NR2F6: variants seen among roughly 807,000 people sequenced by gnomAD.
NR2F6 encodes ERBA-related gene-2.
NR2F6 carries 16 observed loss-of-function variants against 26.5 expected under a neutral mutation model. The observed-to-expected ratio is 0.60, with a 90% CI of 0.41 to 0.92. The LOEUF (loss-of-function observed/expected upper bound fraction) is 0.92, where lower values mean the gene tolerates loss of function less well. Ranked by LOEUF, NR2F6 falls within the 40% of genes least tolerant of loss-of-function variation. The pLI, the probability that NR2F6 is intolerant of heterozygous loss-of-function variation, is 0.00. For synonymous variants in NR2F6, 325 were observed against 305.0 expected (o/e 1.07, Z -0.68); for missense variants, 536 against 631.7 (o/e 0.85, Z 1.62).
At chr19:17,243,468 C>A (rs1473501833) in intron 1 of NR2F6, among the ~76,000 whole-genome samples, 2 of 152,094 alleles carry the variant, frequency 1.3e-5, no homozygotes, top group Non-Finnish European at 1.5e-5. Flanking sequence ...AAGGCCCCCC[C>A]CACCCAAAAT....
At chr19:17,233,685 C>T (rs57840848) in intron 3 of NR2F6, among the ~76,000 whole-genome samples, 14,489 of 151,874 alleles carry the variant, frequency 0.095, 873 homozygotes, top group African/African-American at 0.17. Context: ...TTAGTAGAGA[C>T]GGGTTTTGCT....
chr19:17,241,292 A>G (rs2073467793), intron 1 of NR2F6, among the ~76,000 whole-genome samples: 1 of 151,744 alleles, frequency 6.6e-6, no homozygotes. Context: ...GGGCCCCAGC[A>G]TTATCACCCG....
At position 17,235,726 on chromosome 19, in the gene NR2F6, C is replaced by G. The variant is rs771872124; in HGVS notation, c.713G>C (p.Ser238Thr). 1 of 1,502,042 alleles carries G rather than the reference C, an allele frequency of 6.7e-7. No individual in the cohort carries two copies. Among genetic ancestry groups the G allele is most frequent in the South Asian group, 1.2e-5 (1 of 80,868 alleles). The allele number at this position is 1,502,042 out of a possible 1,614,324, so 93.0% of individuals were successfully genotyped here. Residue 238 changes from serine to threonine, a missense_variant, in exon 3 of 4, where the codon AGC (serine) becomes ACC (threonine). By Grantham distance (58) the Ser-to-Thr change is moderately conservative (BLOSUM62 1). Transcript: ENST00000291442. This position sits in a 1 kb window ranked among gnomAD's most constrained non-coding sequence, Gnocchi z 5.0. ...GTTCAGCACGAAGAGCTCGCTCCAG[C>G]TCAGGCGCAGCAGCGCCACCTGGTC... ...VADQVALLRL[S>T]WSELFVLNAA...
At chr19:17,232,781 G>C (rs2073415340) in intron 3 of NR2F6, among the ~76,000 whole-genome samples, 155 bp from the exon 4 acceptor site, 1 of 152,218 alleles carries the variant, frequency 6.6e-6, no homozygotes, top group Non-Finnish European at 1.5e-5. Flanking sequence ...GGGAGGCCAA[G>C]GCAGAAGCAT....
chr19:17,245,169 C>T lies in NR2F6; in HGVS notation c.52G>A (p.Val18Met), dbSNP rs769815988. The change falls in exon 1 of 4, where the codon GTG becomes ATG. Residue 18 changes from valine to methionine, a missense_variant. Coordinates refer to ENST00000291442, the MANE Select transcript of NR2F6 (RefSeq NM_005234.4). The surrounding 1 kb of genome is among the most constrained non-coding windows in gnomAD (Gnocchi z 5.0). ...CGCGGGTAGCCGCCCGCCTTGTCCA[C>T]GCCGTTCGTGTCGCCGCCGGGGCCG... is the stretch of plus-strand genomic sequence containing the variant. ...WGGPGGDTNG[V>M]DKAGGYPRAA... 12 of 1,417,274 alleles carry T rather than the reference C, an allele frequency of 8.5e-6. No individual in the cohort carries two copies. In the Admixed American group the frequency reaches 2.4e-4, roughly 28 times the overall value. The allele number at this position is 1,417,274 out of a possible 1,614,324, so 87.8% of individuals were successfully genotyped here.
chr19:17,240,675 C>T lies in NR2F6; in HGVS notation c.369G>A (p.Lys123=). ...GTGTCCCCAGCACGTACTCACCCTC[C>T]TTCCTCATGCCCACCCGGAAGCACT... ...LKKCFRVGMR[K]EAVQRGRIPH... The change falls in exon 2 of 4, where the codon AAG becomes AAA. Residue 123 remains lysine, a synonymous_variant. Transcript: ENST00000291442. 6.2e-7 allele frequency: 1 copy of T among 1,614,204 alleles called. No individual in the cohort carries two copies. The highest frequency in any genetic ancestry group is 2.2e-5 in the East Asian group (1 of 44,886).
intron 2 of NR2F6, among the ~76,000 whole-genome samples, chr19:17,239,950 A>G (rs1286813974): frequency 6.6e-6 from 1 of 152,230 alleles, no homozygotes; most frequent in Non-Finnish European, 1.5e-5. Flanking sequence ...GAAACCCAGC[A>G]CAGGAGATCT....
At chr19:17,238,414 C>T (rs1445787749) in intron 2 of NR2F6, among the ~76,000 whole-genome samples, 1 of 152,054 alleles carries the variant, frequency 6.6e-6, no homozygotes, top group East Asian at 1.9e-4. Flanking sequence ...TTTGAGCAAA[C>T]CTTGAAGGCA....
intron 1 of NR2F6, among the ~76,000 whole-genome samples, chr19:17,243,797 C>A (rs1406567072): frequency 1.3e-5 from 2 of 152,268 alleles, no homozygotes; most frequent in Admixed American, 6.5e-5. Flanking sequence ...CCGAACTCAG[C>A]GGTCCCCACC....
Position 17,232,267 on chromosome 19 carries a change from C to G in NR2F6, c.*85G>C, listed in dbSNP as rs1020255744. Reference sequence around the variant, plus strand: ...GGAGAGAAGCCAGAGTCCTGGGCCCCGGGAGGCCCCTCGAGGCCTCAGCAT... The same window carrying G: ...GGAGAGAAGCCAGAGTCCTGGGCCCGGGGAGGCCCCTCGAGGCCTCAGCAT... On this transcript the variant is annotated 3_prime_UTR_variant, in exon 4 of 4. Transcript: ENST00000291442. 1 of 1,559,402 alleles carries G rather than the reference C, an allele frequency of 6.4e-7. No individual in the cohort carries two copies. The highest frequency in any genetic ancestry group is 1.4e-5 in the African/African-American group (1 of 72,920).
intron 1 of NR2F6, among the ~76,000 whole-genome samples, chr19:17,243,944 G>A (rs1334451101): frequency 6.6e-6 from 1 of 152,164 alleles, no homozygotes; most frequent in Non-Finnish European, 1.5e-5. Flanking sequence ...CCGTCTAGAC[G>A]GGCTCCACAG....
intron 1 of NR2F6, among the ~76,000 whole-genome samples, chr19:17,244,014 C>G (rs1216241080): frequency 2.0e-5 from 3 of 152,102 alleles, no homozygotes; most frequent in Non-Finnish European, 2.9e-5. Context: ...ATCGGATGCT[C>G]GCCCGGGAAC....
rs778983258 is a variant in NR2F6, at chr19:17,232,337, G to A, written c.*15C>T. On this transcript the variant is annotated 3_prime_UTR_variant, in exon 4 of 4. Transcript: ENST00000291442. ...GTCTGCAGGCCTGGCCACAGCACAC[G>A]TGGCCCCGTCATGGTCACTGGCCCG... 1.9e-5 allele frequency: 31 copies of A among 1,613,668 alleles called. No homozygotes were observed. In the Middle Eastern group the frequency reaches 9.9e-4, roughly 52 times the overall value.
chr19:17,233,126 A>G (rs967466096), intron 3 of NR2F6, among the ~76,000 whole-genome samples: 5 of 152,098 alleles, frequency 3.3e-5, no homozygotes, highest in African/African-American at 1.2e-4. Flanking sequence ...CAGCCTGGGC[A>G]ACAGAGGGAG....
chr19:17,244,928 G>T lies in NR2F6; in HGVS notation c.278+15C>A. The T allele has an allele frequency of 1.9e-6, 3 of 1,561,752 alleles. No homozygotes were observed. Among genetic ancestry groups the T allele is most frequent in the African/African-American group, 1.3e-5 (1 of 74,086 alleles). The stretch of plus-strand genomic sequence containing the variant: ...GGCGGGGTGCACGGCGGCGGCGCGC[G>T]GATGGGGGGCTCACCGGCAGGTGTA... On this transcript the variant is annotated intron_variant, in intron 1 of 3. Coordinates refer to ENST00000291442, the MANE Select transcript of NR2F6 (RefSeq NM_005234.4).
At chr19:17,242,561 C>T (rs985377747) in intron 1 of NR2F6, among the ~76,000 whole-genome samples, 6 of 152,080 alleles carry the variant, frequency 3.9e-5, no homozygotes, top group Non-Finnish European at 7.4e-5. Context: ...CTCCCCCGTA[C>T]CCCCCCTCCA....
At chr19:17,242,319 A>AAAAAC (rs371048792) in intron 1 of NR2F6, among the ~76,000 whole-genome samples, 49 of 152,308 alleles carry the variant, frequency 3.2e-4, no homozygotes, top group African/African-American at 5.3e-4. Flanking sequence ...ACTCCGTCTC[A>AAAAAC]AAAACAAAAC....
rs939203784 is a variant in NR2F6, at chr19:17,235,146, G to A, written c.940+353C>T. On this transcript the variant is annotated intron_variant, in intron 3 of 3. Transcript: ENST00000291442. The surrounding 1 kb of genome is among the most constrained non-coding windows in gnomAD (Gnocchi z 5.0). ...GTCCCCCCAACCTTGTGCTATCAGT[G>A]CTCACTAAGCCTGAAGAGCCCTTTG... Among the ~76,000 whole-genome samples, 12 of 152,232 alleles carry A rather than the reference G, an allele frequency of 7.9e-5. No homozygotes were observed. Among genetic ancestry groups the A allele is most frequent in the Admixed American group, 7.2e-4 (11 of 15,290 alleles).
intron 1 of NR2F6, among the ~76,000 whole-genome samples, chr19:17,244,025 G>C (rs188401665): frequency 6.6e-6 from 1 of 152,208 alleles, no homozygotes; most frequent in African/African-American, 2.4e-5. Context: ...GCCCGGGAAC[G>C]GTGAGAAAAG....
Sources: allele counts gnomAD v4.1 joint callset (sites outside exome capture counted in the v4.1 genomes callset), GRCh38; gene constraint gnomAD v4.1.1; non-coding constraint Gnocchi (gnomAD v3.1); transcripts MANE v1.5; gene names NCBI Gene and HGNC (gene_info 2026-07-23, HGNC 2026-07-21).